ANK3: variants seen among roughly 807,000 people sequenced by gnomAD.
ANK3 encodes the protein ankyrin 3.
Under a neutral mutation model 370.9 loss-of-function variants are expected in ANK3, and 57 were observed. The observed-to-expected ratio is 0.15, with a 90% CI of 0.12 to 0.19. The LOEUF is 0.19. Among genes scored for constraint, ANK3 ranks in the 10% least tolerant of loss-of-function variants. The pLI, the probability that ANK3 is intolerant of heterozygous loss-of-function variation, is 1.00. For missense variants in ANK3, 4,439 were observed against 5,302.1 expected, an observed-to-expected ratio of 0.84 and a Z score of 5.06; for synonymous variants, 1,929 against 1,946.3, an observed-to-expected ratio of 0.99 and a Z score of 0.23.
At chr10:60,199,307 G>A (rs2096636663) in intron 13 of ANK3, among the ~76,000 whole-genome samples, 2 of 152,278 alleles carry the variant, frequency 1.3e-5, no homozygotes, top group South Asian at 2.1e-4. Context: ...GAGAAACGAG[G>A]CTAGAATAGA....
rs756612417 is a variant in ANK3, at chr10:60,072,251, T to A, written c.8630A>T (p.Asp2877Val). 1.2e-6 allele frequency: 2 copies of A among 1,614,106 alleles called. No homozygotes were observed. Among genetic ancestry groups the A allele is most frequent in the Non-Finnish European group, 1.7e-6 (2 of 1,180,002 alleles). The stretch of plus-strand genomic sequence containing the variant: ...GTGACCAATGTGATTCTCTCTTACA[T>A]CATGAACAAGTACATGCGAAAGTTT... Reference protein sequence around the residue: ...KEKLSHVLVHDVRENHIGHPE... With the variant: ...KEKLSHVLVHVVRENHIGHPE... Residue 2877 changes from aspartate (D) to valine (V), a missense_variant, in exon 37 of 44, where the codon GAT becomes GTT. Asp to Val is a radical substitution (Grantham distance 152, BLOSUM62 -3). Transcript: ENST00000280772.
chr10:60,070,813 G>T lies in ANK3; in HGVS notation c.10068C>A (p.Asn3356Lys). Residue 3356 changes from asparagine to lysine, a missense_variant, in exon 37 of 44, where the codon AAC becomes AAA. By Grantham distance (94) the Asn-to-Lys change is moderately conservative (BLOSUM62 0). Around this residue, in one of 13 missense-constraint regions of ANK3, gnomAD observed 1,601 missense variants for 1,731.7 expected, o/e 0.92. Transcript: ENST00000280772. This position sits in a 1 kb window ranked among gnomAD's most constrained non-coding sequence, Gnocchi z 5.7. ...KPKASAEKAS[N>K]QKELESNGSG... Reference sequence around the variant, plus strand: ...ATCCATTACTTTCCAGTTCTTTCTGGTTGGAAGCCTTTTCAGCAGAAGCTT... The same window carrying T: ...ATCCATTACTTTCCAGTTCTTTCTGTTTGGAAGCCTTTTCAGCAGAAGCTT... 6.2e-7 allele frequency: 1 copy of T among 1,614,140 alleles called. No homozygotes were observed. The highest frequency in any genetic ancestry group is 1.1e-5 in the South Asian group (1 of 91,076).
At chr10:60,331,721 T>A (rs889729859) in intron 1 of ANK3, among the ~76,000 whole-genome samples, 4 of 152,132 alleles carry the variant, frequency 2.6e-5, no homozygotes, top group African/African-American at 7.2e-5. Flanking sequence ...ACACTGTCCT[T>A]GAGTTAAAAT....
rs1242023159 is a variant in ANK3 at position 60,698,809 on chromosome 10, G to A, written c.57+34454C>T. Among the ~76,000 whole-genome samples, 5 of 149,614 alleles carry A rather than the reference G, an allele frequency of 3.3e-5. No individual in the cohort carries two copies. In the South Asian group the frequency reaches 6.5e-4, roughly 19 times the overall value. ...GGAGATATACCTAATGCTAGATGAC[G>A]AGCTAGTGGGTGCAGTGCACCAGCA... is the stretch of plus-strand genomic sequence containing the variant. On this transcript the variant is annotated intron_variant, in intron 1 of 43. Transcript: ENST00000373827.
intron 16 of ANK3, among the ~76,000 whole-genome samples, chr10:60,192,470 A>C (rs1450428086): frequency 6.6e-6 from 1 of 151,554 alleles, no homozygotes; most frequent in African/African-American, 2.4e-5. Context: ...ATACATATAT[A>C]CCAACACACA....
At chr10:60,521,536 C>G (rs904604489) in intron 2 of ANK3, among the ~76,000 whole-genome samples, 1 of 151,948 alleles carries the variant, frequency 6.6e-6, no homozygotes, top group Non-Finnish European at 1.5e-5. Context: ...CATGACAGGA[C>G]TGATAAAGTT....
At chr10:60,624,165 A>G (rs1383220228) in intron 1 of ANK3, among the ~76,000 whole-genome samples, 1 of 152,144 alleles carries the variant, frequency 6.6e-6, no homozygotes, top group Non-Finnish European at 1.5e-5. Flanking sequence ...CAATTTACCT[A>G]CATAACAAAC....
At chr10:60,321,214 T>G (rs554564629) in intron 1 of ANK3, among the ~76,000 whole-genome samples, 1 of 151,926 alleles carries the variant, frequency 6.6e-6, no homozygotes, top group South Asian at 2.1e-4. Flanking sequence ...CATGAGACCC[T>G]CTTCTCTACA....
At chr10:60,294,579 C>T (rs578001541) in intron 1 of ANK3, among the ~76,000 whole-genome samples, 1 of 152,250 alleles carries the variant, frequency 6.6e-6, no homozygotes, top group South Asian at 2.1e-4. Context: ...GTTCTTTTCA[C>T]TTAAAATGTT....
At position 60,196,138 on chromosome 10, in the gene ANK3, T is replaced by C. The variant is rs773396912; in HGVS notation, c.1887+7A>G. On this transcript the variant is annotated splice_region_variant and intron_variant, in intron 16 of 43. Coordinates refer to ENST00000280772, the MANE Select transcript of ANK3 (RefSeq NM_020987.5). ...TCAGTCTCCTTAGGCTGTGGAATTATAGGTACCTTTGCGGCTGCGTGAGGT... is the reference window on the plus strand; with the variant it reads ...TCAGTCTCCTTAGGCTGTGGAATTACAGGTACCTTTGCGGCTGCGTGAGGT... 3 of 1,612,548 alleles carry C rather than the reference T, an allele frequency of 1.9e-6. No individual in the cohort carries two copies. The highest frequency in any genetic ancestry group is 3.3e-5 in the Admixed American group (2 of 60,014).
chr10:60,663,177 C>T (rs367680258), intron 1 of ANK3, among the ~76,000 whole-genome samples: 5 of 152,298 alleles, frequency 3.3e-5, no homozygotes, highest in Non-Finnish European at 2.9e-5. Context: ...TAAAGCACTT[C>T]GTATTGTACA....
intron 1 of ANK3, among the ~76,000 whole-genome samples, chr10:60,290,205 C>T (rs2041015268): frequency 1.3e-5 from 2 of 151,988 alleles, no homozygotes; most frequent in South Asian, 4.2e-4. Context: ...CAGTAAAAAC[C>T]TTGGATCTTT....
intron 1 of ANK3, among the ~76,000 whole-genome samples, chr10:60,315,297 T>C (rs1312429601): frequency 6.6e-6 from 1 of 152,226 alleles, no homozygotes; most frequent in Non-Finnish European, 1.5e-5. Context: ...TAGGTTTTTA[T>C]GTAAATTCTT....
At chr10:60,332,760 G>A (rs1223662666) in intron 1 of ANK3, among the ~76,000 whole-genome samples, 2 of 152,130 alleles carry the variant, frequency 1.3e-5, no homozygotes, top group East Asian at 3.9e-4. Context: ...TATTTTGATG[G>A]CTCTGTTCCG....
chr10:60,091,202 G>A (rs1052612046), intron 28 of ANK3, among the ~76,000 whole-genome samples: 24 of 152,274 alleles, frequency 1.6e-4, no homozygotes, highest in South Asian at 4.1e-4. Flanking sequence ...CACAGCACCC[G>A]GCAGCATTGC....
intron 27 of ANK3, chr10:60,108,086 T>A: frequency 3.7e-6 from 1 of 271,886 alleles, no homozygotes; most frequent in Non-Finnish European, 7.3e-6. Flanking sequence ...AAAATAAAAA[T>A]AAACTTAAGA....
At chr10:60,059,955 G>A (rs752348717) in intron 40 of ANK3, 7 of 1,613,108 alleles carry the variant, frequency 4.3e-6, no homozygotes, top group Non-Finnish European at 5.1e-6. Flanking sequence ...GGTAGGTGGT[G>A]TGTAGTGCAA....
chr10:60,050,247 T>A (rs2077679519), intron 42 of ANK3, among the ~76,000 whole-genome samples: 1 of 152,212 alleles, frequency 6.6e-6, no homozygotes, highest in African/African-American at 2.4e-5. Context: ...CTTATATACA[T>A]GGAATTTTCA....
chr10:60,317,436 C>A (rs978200514), intron 1 of ANK3, among the ~76,000 whole-genome samples: 2 of 152,052 alleles, frequency 1.3e-5, no homozygotes, highest in African/African-American at 2.4e-5. Flanking sequence ...TACTTGGATG[C>A]CTTTTTAAAC....
Sources: gnomAD v4.1 joint callset for allele counts (sites outside exome capture counted in the v4.1 genomes callset) on GRCh38, gnomAD v4.1.1 for gene constraint, gnomAD v4.1.1 regional missense constraint, Gnocchi (gnomAD v3.1) non-coding constraint, MANE v1.5 for transcripts, NCBI Gene and HGNC (gene_info 2026-07-23, HGNC 2026-07-21) for gene names.